Variants in UTS2B observed in about 807,000 individuals in gnomAD.
UTS2B encodes the protein urotensin 2B.
In UTS2B, 21 loss-of-function variants were observed where a neutral mutation model predicts 19.2. The observed-to-expected ratio is 1.09, with a 90% CI of 0.78 to 1.58. The LOEUF (loss-of-function observed/expected upper bound fraction) is 1.58, where lower values mean the gene tolerates loss of function less well. Among genes scored for constraint, UTS2B ranks in the 40% most tolerant of loss-of-function variants. The pLI is 0.00. For missense variants in UTS2B, 138 were observed against 130.3 expected (o/e 1.06, Z -0.29); for synonymous variants, 57 against 50.2 (o/e 1.14, Z -0.58).
chr3:191,336,516 A>G, the UTS2B span, among the ~76,000 whole-genome samples: 1 of 151,996 alleles, frequency 6.6e-6, no homozygotes, highest in Non-Finnish European at 1.5e-5. Flanking sequence ...AAAATCGACT[A>G]TTTTCTTATT....
chr3:191,295,078 C>G lies in UTS2B; in HGVS notation c.-125+9414G>C, dbSNP rs918848756. On this transcript the variant is annotated intron_variant, in intron 4 of 8. Transcript: ENST00000340524. ...AAACTTTTTGTCTTCCATCTTAAAACAAAACAAAACACCAAATAAGTTTTA... is the reference window on the plus strand; with the variant it reads ...AAACTTTTTGTCTTCCATCTTAAAAGAAAACAAAACACCAAATAAGTTTTA... Among the ~76,000 whole-genome samples the G allele has an allele frequency of 5.9e-5, 9 of 151,986 alleles. 1 individual carries two copies. Among genetic ancestry groups the G allele is most frequent in the African/African-American group, 2.2e-4 (9 of 41,316 alleles).
chr3:191,290,869 A>G (rs970418016), intron 4 of UTS2B, among the ~76,000 whole-genome samples: 2 of 152,242 alleles, frequency 1.3e-5, no homozygotes, highest in Non-Finnish European at 2.9e-5. Context: ...ACTGATTTGA[A>G]TAATTACTTT....
chr3:191,269,224 G>A (rs1716022143), intron 8 of UTS2B, among the ~76,000 whole-genome samples: 1 of 152,148 alleles, frequency 6.6e-6, no homozygotes, highest in East Asian at 1.9e-4. Context: ...TATTTACAGT[G>A]AAAAAGAGTT....
intron 4 of UTS2B, among the ~76,000 whole-genome samples, chr3:191,284,044 G>T (rs1432083110): frequency 6.6e-6 from 1 of 151,996 alleles, no homozygotes; most frequent in African/African-American, 2.4e-5. Context: ...TTAAAAATGA[G>T]ATATAAAATA....
Position 191,278,055 on chromosome 3 carries a change from C to T in UTS2B, c.202+17G>A, listed in dbSNP as rs201850320. On this transcript the variant is annotated intron_variant, in intron 6 of 8. Coordinates refer to ENST00000340524, the MANE Select transcript of UTS2B (RefSeq NM_198152.5). ...TTATTTTTTAATAAATAGAGCTTGA[C>T]TTTATGTTTAACTCACCAGTGTTGA... 3,640 of 1,356,186 alleles carry T rather than the reference C, an allele frequency of 2.7e-3. 15 individuals carry two copies. Among genetic ancestry groups the T allele is most frequent in the Non-Finnish European group, 2.8e-3 (2,739 of 995,542 alleles). 84.0% of individuals were successfully genotyped at this position (1,356,186 alleles called of 1,614,324 possible).
At chr3:191,276,048 T>C (rs572811764) in intron 7 of UTS2B, among the ~76,000 whole-genome samples, 1 of 152,108 alleles carries the variant, frequency 6.6e-6, no homozygotes, top group Admixed American at 6.5e-5. Flanking sequence ...GTGTCAATAC[T>C]TGGATTTCCT....
At chr3:191,286,067 A>G (rs1355055885) in intron 4 of UTS2B, among the ~76,000 whole-genome samples, 3 of 152,244 alleles carry the variant, frequency 2.0e-5, no homozygotes, top group Non-Finnish European at 4.4e-5. Context: ...GGGTCAATTC[A>G]TCAAAAGGAT....
chr3:191,316,887 T>C (rs1717469511), intron 2 of UTS2B, among the ~76,000 whole-genome samples: 1 of 152,176 alleles, frequency 6.6e-6, no homozygotes, highest in African/African-American at 2.4e-5. Flanking sequence ...GCATATACAA[T>C]CCTCCAGCTA....
intron 8 of UTS2B, among the ~76,000 whole-genome samples, chr3:191,273,906 C>T (rs756983746): frequency 6.6e-5 from 10 of 152,122 alleles, no homozygotes; most frequent in Non-Finnish European, 1.5e-4. Context: ...AGAATCAGAC[C>T]AGCCTAACCA....
chr3:191,342,178 C>T, the UTS2B span, among the ~76,000 whole-genome samples: 6 of 152,078 alleles, frequency 3.9e-5, no homozygotes, highest in African/African-American at 1.2e-4. Context: ...TTCCGTAATC[C>T]AAGATTTCCA....
In UTS2B at chr3:191,267,876, A is replaced by C. The variant is rs1715981624; in HGVS notation, c.*540T>G. On this transcript the variant is annotated 3_prime_UTR_variant, in exon 9 of 9. Coordinates refer to ENST00000340524, the MANE Select transcript of UTS2B (RefSeq NM_198152.5). ...AATCTTTCCATAACCTATGATTAGC[A>C]AGATATTAATCAGCAGTAACAATTG... The C allele has an allele frequency of 6.6e-6, 1 of 152,250 alleles. No individual in the cohort carries two copies. The highest frequency in any genetic ancestry group is 1.5e-5 in the Non-Finnish European group (1 of 68,066). 9.4% of individuals were successfully genotyped at this position (152,250 alleles called of 1,614,324 possible). A position where few individuals can be genotyped will look rare whatever the true frequency, so the allele number is the denominator to read the frequency against.
Position 191,278,207 on chromosome 3 carries a change from C to A in UTS2B, c.104-37G>T. 3 of 1,160,218 alleles carry A rather than the reference C, an allele frequency of 2.6e-6. No homozygotes were observed. The South Asian group carries it at 4.5e-5, about 18-fold the overall frequency. The allele number at this position is 1,160,218 out of a possible 1,614,324, so 71.9% of individuals were successfully genotyped here. ...AAAAACCACCATTTTCAATTTGAGTCACCGAAAATATTTCTAATTAAATTG... is the reference window on the plus strand; with the variant it reads ...AAAAACCACCATTTTCAATTTGAGTAACCGAAAATATTTCTAATTAAATTG... On this transcript the variant is annotated intron_variant, in intron 5 of 8. Coordinates refer to ENST00000340524, the MANE Select transcript of UTS2B (RefSeq NM_198152.5).
intron 4 of UTS2B, among the ~76,000 whole-genome samples, chr3:191,292,410 G>C (rs1157378671): frequency 1.3e-5 from 2 of 152,030 alleles, no homozygotes; most frequent in Non-Finnish European, 2.9e-5. Context: ...GTTGTTCTTT[G>C]CTAGGACATG....
chr3:191,301,359 T>C (rs1039656065), intron 4 of UTS2B, among the ~76,000 whole-genome samples: 4 of 152,228 alleles, frequency 2.6e-5, no homozygotes, highest in African/African-American at 9.6e-5. Context: ...CAAGTTTCAC[T>C]GAGTTTCTCA....
chr3:191,342,714 T>G, the UTS2B span, among the ~76,000 whole-genome samples: 31 of 152,182 alleles, frequency 2.0e-4, no homozygotes, highest in African/African-American at 7.2e-4. Context: ...CCAGGAAAAG[T>G]GCCATTCAAG....
At chr3:191,277,198 C>A (rs1364355094) in intron 6 of UTS2B, among the ~76,000 whole-genome samples, 4 of 151,986 alleles carry the variant, frequency 2.6e-5, no homozygotes, top group African/African-American at 7.2e-5. Context: ...GGAAGCAAGC[C>A]ATGTATTCTA....
At chr3:191,341,638 T>G in the UTS2B span, among the ~76,000 whole-genome samples, 2 of 152,212 alleles carry the variant, frequency 1.3e-5, no homozygotes, top group South Asian at 4.1e-4. Flanking sequence ...GTGCTAGCTG[T>G]TTTCAGCCTT....
intron 8 of UTS2B, among the ~76,000 whole-genome samples, chr3:191,273,740 T>C (rs1351153646): frequency 6.6e-6 from 1 of 152,246 alleles, no homozygotes; most frequent in Non-Finnish European, 1.5e-5. Context: ...TACTTTCTTC[T>C]CCTCCAGTTA....
At chr3:191,278,591 C>G (rs1254186738) in intron 5 of UTS2B, among the ~76,000 whole-genome samples, 1 of 151,938 alleles carries the variant, frequency 6.6e-6, no homozygotes, top group Non-Finnish European at 1.5e-5. Context: ...TTTATATACA[C>G]ATTTATATAT....
Sources: allele counts gnomAD v4.1 joint callset (sites outside exome capture counted in the v4.1 genomes callset), GRCh38; gene constraint gnomAD v4.1.1; transcripts MANE v1.5; gene names NCBI Gene and HGNC (gene_info 2026-07-23, HGNC 2026-07-21).